Variants in FAM135B observed in about 807,000 individuals in gnomAD.
FAM135B encodes the protein family with sequence similarity 135 member B.
Under a neutral mutation model 127.7 loss-of-function variants are expected in FAM135B, and 43 were observed. The observed-to-expected ratio is 0.34, with a 90% CI of 0.26 to 0.43. The LOEUF (loss-of-function observed/expected upper bound fraction) is 0.43. Among genes scored for constraint, FAM135B ranks in the 20% least tolerant of loss-of-function variants. FAM135B has a pLI of 1.00. For synonymous variants in FAM135B, 670 were observed against 665.1 expected, an observed-to-expected ratio of 1.01 and a Z score of -0.11; for missense variants, 1,558 against 1,725.6, an observed-to-expected ratio of 0.90 and a Z score of 1.72.
chr8:138,291,592 T>C (rs1512407), intron 3 of FAM135B, among the ~76,000 whole-genome samples: 142,888 of 152,242 alleles, frequency 0.94, 67,376 homozygotes, highest in Non-Finnish European at 0.99. Context: ...GGATCATATG[T>C]CATAATCAAG....
intron 7 of FAM135B, among the ~76,000 whole-genome samples, chr8:138,206,218 C>T (rs1474657531): frequency 6.6e-6 from 1 of 151,006 alleles, no homozygotes; most frequent in Admixed American, 6.6e-5. Context: ...TCTCTCATCC[C>T]CTCCACCTAC....
intron 1 of FAM135B, among the ~76,000 whole-genome samples, chr8:138,466,613 G>A (rs529881728): frequency 4.5e-4 from 69 of 152,228 alleles, no homozygotes; most frequent in African/African-American, 1.6e-3. Flanking sequence ...CTGAACAACC[G>A]AATTTAAATA....
intron 1 of FAM135B, among the ~76,000 whole-genome samples, chr8:138,453,505 C>T (rs1836608928): frequency 6.6e-6 from 1 of 151,806 alleles, no homozygotes; most frequent in Admixed American, 6.6e-5. Context: ...TGGTCCCGGA[C>T]TCCCTCACCT....
At chr8:138,272,398 C>A (rs1335000544) in intron 3 of FAM135B, among the ~76,000 whole-genome samples, 1 of 152,144 alleles carries the variant, frequency 6.6e-6, no homozygotes, top group Non-Finnish European at 1.5e-5. Context: ...TGACTCCTAG[C>A]CTACTCTACA....
intron 18 of FAM135B, among the ~76,000 whole-genome samples, chr8:138,137,462 A>G (rs1250820689): frequency 6.6e-6 from 1 of 151,982 alleles, no homozygotes; most frequent in Non-Finnish European, 1.5e-5. Flanking sequence ...GCGGGGGCCT[A>G]TGGGAGGTTG....
chr8:138,198,451 C>T (rs1816840076), intron 7 of FAM135B, among the ~76,000 whole-genome samples: 1 of 152,144 alleles, frequency 6.6e-6, no homozygotes, highest in African/African-American at 2.4e-5. Flanking sequence ...TGGCTGTGGG[C>T]TCCTTTGCAG....
At chr8:138,314,687 T>C (rs1411825428) in intron 2 of FAM135B, among the ~76,000 whole-genome samples, 1 of 6,436 alleles carries the variant, frequency 1.6e-4, no homozygotes, top group Non-Finnish European at 4.1e-4. Flanking sequence ...GGAGACCCCA[T>C]CCCTACAATA....
At chr8:138,447,331 T>C (rs1355314313) in intron 1 of FAM135B, among the ~76,000 whole-genome samples, 2 of 152,068 alleles carry the variant, frequency 1.3e-5, no homozygotes, top group Non-Finnish European at 2.9e-5. Flanking sequence ...TTATAAATCA[T>C]GCTGCTATAA....
At position 138,476,479 on chromosome 8, in the gene FAM135B, AT is replaced by A. The variant is rs201036983; in HGVS notation, c.-20+20191del. Among the ~76,000 whole-genome samples the A allele has an allele frequency of 4.0e-3, 561 of 141,238 alleles. 4 individuals carry two copies. The highest frequency in any genetic ancestry group is 7.2e-3 in the Middle Eastern group (2 of 278). The allele number at this position is 141,238 out of a possible 152,430, so 92.7% of individuals were successfully genotyped here. A position where few individuals can be genotyped will look rare whatever the true frequency, so the allele number is the denominator to read the frequency against. ...GATGGGGGATGTGGGGTATCTCTCT[AT>A]TTTTTTTTTTTCAATTTTACTGTGA... On this transcript the variant is annotated intron_variant, in intron 1 of 19. Transcript: ENST00000395297.
At chr8:138,335,336 A>T (rs1828492653) in intron 2 of FAM135B, among the ~76,000 whole-genome samples, 1 of 152,096 alleles carries the variant, frequency 6.6e-6, no homozygotes, top group African/African-American at 2.4e-5. Context: ...TCATCTTATT[A>T]TTTTCTTTGT....
chr8:138,335,621 C>A (rs372510221), intron 2 of FAM135B, among the ~76,000 whole-genome samples: 22 of 152,240 alleles, frequency 1.4e-4, no homozygotes, highest in East Asian at 1.2e-3. Context: ...TACTTAGAGA[C>A]TACAAAGAGA....
chr8:138,310,279 T>A (rs980941994), intron 3 of FAM135B, among the ~76,000 whole-genome samples: 1 of 152,198 alleles, frequency 6.6e-6, no homozygotes, highest in African/African-American at 2.4e-5. Context: ...ATTTCTGGCA[T>A]GGTAAGTTCT....
chr8:138,381,309 A>G (rs1330701637), intron 1 of FAM135B, among the ~76,000 whole-genome samples: 1 of 152,048 alleles, frequency 6.6e-6, no homozygotes, highest in Non-Finnish European at 1.5e-5. Flanking sequence ...TGTTCAAGCT[A>G]TTATCTCCAC....
chr8:138,466,612 C>T (rs995922790), intron 1 of FAM135B, among the ~76,000 whole-genome samples: 2 of 152,086 alleles, frequency 1.3e-5, no homozygotes, highest in South Asian at 2.1e-4. Context: ...ACTGAACAAC[C>T]GAATTTAAAT....
chr8:138,413,182 A>G (rs1192197277), intron 1 of FAM135B, among the ~76,000 whole-genome samples: 1 of 152,154 alleles, frequency 6.6e-6, no homozygotes, highest in Non-Finnish European at 1.5e-5. Context: ...ACAAGTTTCA[A>G]ATAGAATTGA....
At chr8:138,231,648 T>C (rs1392269328) in intron 7 of FAM135B, among the ~76,000 whole-genome samples, 1 of 152,120 alleles carries the variant, frequency 6.6e-6, no homozygotes, top group East Asian at 1.9e-4. Context: ...AAAAGACAAG[T>C]GTTGGACACA....
chr8:138,407,326 T>A (rs1281465852), intron 1 of FAM135B, among the ~76,000 whole-genome samples: 1 of 152,040 alleles, frequency 6.6e-6, no homozygotes, highest in Non-Finnish European at 1.5e-5. Context: ...AAAATGGCCA[T>A]ACTGCCCAAG....
intron 17 of FAM135B, 126 bp from the exon 18 acceptor site, chr8:138,139,222 G>A (rs1166232125): frequency 3.3e-6 from 2 of 599,364 alleles, no homozygotes; most frequent in Non-Finnish European, 5.9e-6. Context: ...AGAGAAGTAG[G>A]CATACTAGCA....
rs1219048516 is a variant in FAM135B at position 138,178,698 on chromosome 8, G to C, written c.874-8C>G. 6.3e-7 allele frequency: 1 copy of C among 1,599,030 alleles called. No homozygotes were observed. Among genetic ancestry groups the C allele is most frequent in the Non-Finnish European group, 8.5e-7 (1 of 1,172,100 alleles). ...CTCTGGATTGTTCAACATCTGGAGAGGCAAAAAAGGTGGTATTCAAGGCTC... is the reference window on the plus strand; with the variant it reads ...CTCTGGATTGTTCAACATCTGGAGACGCAAAAAAGGTGGTATTCAAGGCTC... On this transcript the variant is annotated splice_polypyrimidine_tract_variant and splice_region_variant and intron_variant, in intron 9 of 19. Coordinates refer to ENST00000395297, the MANE Select transcript of FAM135B (RefSeq NM_015912.4).
Sources: allele counts gnomAD v4.1 joint callset (sites outside exome capture counted in the v4.1 genomes callset), GRCh38; gene constraint gnomAD v4.1.1; transcripts MANE v1.5; gene names NCBI Gene and HGNC (gene_info 2026-07-23, HGNC 2026-07-21).